The following MAP3K8 variants were observed in gnomAD, a reference collection of about 807,000 sequenced individuals.
MAP3K8 encodes Ewing sarcoma transformant.
MAP3K8 carries 22 observed loss-of-function variants against 45.8 expected under a neutral mutation model. The observed-to-expected ratio is 0.48, with a 90% CI of 0.34 to 0.69. MAP3K8 has a LOEUF of 0.69. Ranked by LOEUF, MAP3K8 falls within the 30% of genes least tolerant of loss-of-function variation. MAP3K8 has a pLI of 0.01. For synonymous variants in MAP3K8, 223 were observed against 214.3 expected (o/e 1.04, Z -0.36); for missense variants, 419 against 585.0 (o/e 0.72, Z 2.93).
chr10:30,452,506 GC>G (rs1247650061), intron 6 of MAP3K8, among the ~76,000 whole-genome samples: 1 of 151,598 alleles, frequency 6.6e-6, no homozygotes, highest in East Asian at 1.9e-4. Flanking sequence ...GGTGGTACAC[GC>G]CTGTAGTCTC....
intron 1 of MAP3K8, chr10:30,434,823 G>C: frequency 1.0e-6 from 1 of 972,536 alleles, no homozygotes; most frequent in South Asian, 4.8e-5. Context: ...AAGCCTTTTA[G>C]GCTCCCTTGA....
intron 5 of MAP3K8, 149 bp downstream of exon 5, chr10:30,450,668 C>G: frequency 1.5e-6 from 1 of 660,656 alleles, no homozygotes; most frequent in South Asian, 1.9e-5. Flanking sequence ...AGAGACATAT[C>G]TTAGAATCAT....
At chr10:30,446,041 C>T (rs8176994) in intron 3 of MAP3K8, among the ~76,000 whole-genome samples, 1,843 of 144,762 alleles carry the variant, frequency 0.013, 39 homozygotes, top group African/African-American at 0.045. Context: ...TTCCCTTCAG[C>T]GGCTGCTGCT....
intron 7 of MAP3K8, among the ~76,000 whole-genome samples, 164 bp from the exon 8 acceptor site, chr10:30,459,091 A>G (rs1430922628): frequency 1.3e-5 from 2 of 152,154 alleles, no homozygotes; most frequent in Non-Finnish European, 2.9e-5. Flanking sequence ...AGGAAAAGAA[A>G]AAAGAAATTA....
intron 1 of MAP3K8, among the ~76,000 whole-genome samples, chr10:30,434,922 C>T (rs1252684164): frequency 6.6e-6 from 1 of 152,228 alleles, no homozygotes. Flanking sequence ...AAGTTTGTAA[C>T]CCGGACTCTA....
chr10:30,453,818 A>G (rs1335925154), intron 6 of MAP3K8, among the ~76,000 whole-genome samples: 1 of 150,466 alleles, frequency 6.6e-6, no homozygotes, highest in Non-Finnish European at 1.5e-5. Flanking sequence ...GGTTTGCTTG[A>G]GCCTGGGGGT....
intron 2 of MAP3K8, 185 bp from the exon 3 acceptor site, chr10:30,438,731 T>C: frequency 2.0e-6 from 1 of 493,424 alleles, no homozygotes; most frequent in South Asian, 2.6e-5. Context: ...GGACTAAAGG[T>C]TATCTTAGGT....
chr10:30,451,500 A>C (rs886298297), intron 5 of MAP3K8, 138 bp from the exon 6 acceptor site: 3 of 484,342 alleles, frequency 6.2e-6, no homozygotes, highest in Admixed American at 3.6e-5. Context: ...CCTCTTTTGA[A>C]TATAATACAA....
intron 5 of MAP3K8, 107 bp downstream of exon 5, chr10:30,450,626 C>A: frequency 1.0e-6 from 1 of 963,468 alleles, no homozygotes; most frequent in South Asian, 1.5e-5. Context: ...GGGTGGAAAG[C>A]TCCCTCAGAG....
At chr10:30,434,466 G>GC in intron 1 of MAP3K8, 88 bp downstream of exon 1, 5 of 985,552 alleles carry the variant, frequency 5.1e-6, no homozygotes, top group Non-Finnish European at 6.0e-6. Flanking sequence ...AATGGAGGGT[G>GC]CCCCCAGCAG....
At position 30,438,953 on chromosome 10, in the gene MAP3K8, C is replaced by G; in HGVS notation, c.15C>G (p.Ser5Arg). 6.2e-7 allele frequency: 1 copy of G among 1,607,366 alleles called. No homozygotes were observed. Among genetic ancestry groups the G allele is most frequent in the Non-Finnish European group, 8.5e-7 (1 of 1,174,884 alleles). The change falls in exon 3 of 9, where the codon AGC becomes AGG. Residue 5 changes from serine to arginine, a missense_variant. Coordinates refer to ENST00000263056, the MANE Select transcript of MAP3K8 (RefSeq NM_005204.4). ...GAGCAACAGTAATGGAGTACATGAG[C>G]ACTGGAAGTGACAATAAAGAAGAGA... MEYM[S>R]TGSDNKEEID...
intron 2 of MAP3K8, chr10:30,438,689 TG>T: frequency 2.6e-6 from 1 of 384,596 alleles, no homozygotes; most frequent in South Asian, 3.4e-5. Context: ...GTAAGCTCTC[TG>T]GATCTCAGGT....
chr10:30,458,232 A>G lies in MAP3K8; in HGVS notation c.1022A>G (p.Tyr341Cys). Residue 341 changes from tyrosine to cysteine, a missense_variant, in exon 7 of 9, where the codon TAC becomes TGC. Around this residue, in one of 3 missense-constraint regions of MAP3K8, gnomAD observed 209 missense variants for 367.3 expected, o/e 0.57. Coordinates refer to ENST00000263056, the MANE Select transcript of MAP3K8 (RefSeq NM_005204.4). ...CGCTCAGCCTATCCCTCCTACCTGTACATAGTAAGTGGGGTTCAACCAGGG... is the reference window on the plus strand; with the variant it reads ...CGCTCAGCCTATCCCTCCTACCTGTGCATAGTAAGTGGGGTTCAACCAGGG... ...YPRSAYPSYL[Y>C]IIHKQAPPLE... The G allele has an allele frequency of 7.0e-7, 1 of 1,429,990 alleles. No homozygotes were observed. The highest frequency in any genetic ancestry group is 9.4e-7 in the Non-Finnish European group (1 of 1,060,932). 88.6% of individuals were successfully genotyped at this position (1,429,990 alleles called of 1,614,324 possible).
chr10:30,457,955 T>C, intron 6 of MAP3K8, 129 bp from the exon 7 acceptor site: 1 of 739,500 alleles, frequency 1.4e-6, no homozygotes, highest in Middle Eastern at 2.9e-4. Context: ...TGCTGCATGG[T>C]TCCTGGGGAA....
chr10:30,437,085 C>A (rs1007642212), intron 1 of MAP3K8, 91 bp from the exon 2 acceptor site: 4 of 715,860 alleles, frequency 5.6e-6, no homozygotes, highest in Non-Finnish European at 6.8e-6. Context: ...AAGCTGCCCC[C>A]TCACTCTAGA....
Position 30,447,794 on chromosome 10 carries a change from C to T in MAP3K8, c.349C>T (p.Gln117Ter). Residue 117 changes from glutamine to a stop codon, truncating the protein, a stop_gained, in exon 4 of 9, where the codon CAA (glutamine) becomes TAA (stop). Coordinates refer to ENST00000263056, the MANE Select transcript of MAP3K8 (RefSeq NM_005204.4). LOFTEE classifies it high-confidence loss of function. ...GILLNMVITP[Q>*]NGRYQIDSDV... ...TATTTTGTTGTAGGTCATCACTCCC[C>T]AAAATGGACGTTACCAAATAGATTC... The T allele has an allele frequency of 6.2e-7, 1 of 1,613,704 alleles. No homozygotes were observed. The highest frequency in any genetic ancestry group is 8.5e-7 in the Non-Finnish European group (1 of 1,179,842).
chr10:30,453,067 A>G (rs953465402), intron 6 of MAP3K8, among the ~76,000 whole-genome samples: 1 of 152,130 alleles, frequency 6.6e-6, no homozygotes, highest in African/African-American at 2.4e-5. Context: ...TTTAATCCTT[A>G]CAACAACCCA....
intron 7 of MAP3K8, 32 bp downstream of exon 7, chr10:30,458,268 C>CGGGGGGGGGGGGGGGGTGGGGGGGGGGG: frequency 2.3e-6 from 1 of 439,436 alleles, no homozygotes; most frequent in Non-Finnish European, 3.7e-6. Flanking sequence ...CTGGGGGCGG[C>CGGGGGGGGGGGGGGGGTGGGGGGGGGGG]GGGGGGGGGC....
intron 1 of MAP3K8, 94 bp from the exon 2 acceptor site, chr10:30,437,082 C>A: frequency 3.1e-6 from 2 of 651,068 alleles, no homozygotes; most frequent in Non-Finnish European, 3.8e-6. Context: ...GGGAAGCTGC[C>A]CCCTCACTCT....
Sources: gnomAD v4.1 joint callset for allele counts (sites outside exome capture counted in the v4.1 genomes callset) on GRCh38, gnomAD v4.1.1 for gene constraint, gnomAD v4.1.1 regional missense constraint, MANE v1.5 for transcripts, NCBI Gene and HGNC (gene_info 2026-07-23, HGNC 2026-07-21) for gene names.